Variants in NCKAP5 observed in about 807,000 individuals in gnomAD.
NCKAP5 encodes the protein nck-associated protein 5.
A neutral mutation model predicts 167.0 loss-of-function variants in NCKAP5; 92 were observed. The ratio of observed to expected loss-of-function variants is 0.55; its 90% CI spans 0.47 to 0.66. The LOEUF is 0.66. Ranked by LOEUF, NCKAP5 falls within the 30% of genes least tolerant of loss-of-function variation. The pLI is 0.00. For missense variants in NCKAP5, 2,378 were observed against 2,315.0 expected (o/e 1.03, Z -0.56); for synonymous variants, 891 against 877.4 (o/e 1.02, Z -0.27).
chr2:133,553,801 A>G (rs1176821265), intron 2 of NCKAP5, among the ~76,000 whole-genome samples: 3 of 152,244 alleles, frequency 2.0e-5, no homozygotes, highest in South Asian at 2.1e-4. Flanking sequence ...ACAGAAATAG[A>G]GATGGTAAGA....
At chr2:133,119,694 T>C (rs1316809018) in intron 6 of NCKAP5, among the ~76,000 whole-genome samples, 1 of 152,136 alleles carries the variant, frequency 6.6e-6, no homozygotes, top group Non-Finnish European at 1.5e-5. Context: ...ACCTCCACTT[T>C]CTATTACAGA....
At chr2:133,059,879 G>C (rs1009220907) in intron 6 of NCKAP5, among the ~76,000 whole-genome samples, 55 of 151,882 alleles carry the variant, frequency 3.6e-4, no homozygotes, top group African/African-American at 1.2e-3. Context: ...ATATCTCCAA[G>C]GTATGTCTGC....
At chr2:132,737,486 A>G (rs950318772) in intron 16 of NCKAP5, among the ~76,000 whole-genome samples, 5 of 152,194 alleles carry the variant, frequency 3.3e-5, no homozygotes, top group African/African-American at 1.2e-4. Flanking sequence ...TAAGCAGCCA[A>G]GATGGGTGTG....
chr2:133,460,010 A>T (rs1574991985), intron 3 of NCKAP5, among the ~76,000 whole-genome samples: 1 of 152,310 alleles, frequency 6.6e-6, no homozygotes, highest in South Asian at 2.1e-4. Flanking sequence ...AACTCGCATC[A>T]GTTCATTTTT....
intron 8 of NCKAP5, among the ~76,000 whole-genome samples, chr2:132,936,820 C>T (rs981362666): frequency 1.3e-5 from 2 of 152,064 alleles, no homozygotes; most frequent in Admixed American, 6.6e-5. Flanking sequence ...TATGTATCAA[C>T]TTTATAATTT....
At chr2:133,272,435 ATC>A (rs1405064842) in intron 4 of NCKAP5, among the ~76,000 whole-genome samples, 1 of 152,186 alleles carries the variant, frequency 6.6e-6, no homozygotes, top group Non-Finnish European at 1.5e-5. Flanking sequence ...GAGCAATTTT[ATC>A]TGTTTTCAAA....
chr2:133,601,785 A>AT, the NCKAP5 span, among the ~76,000 whole-genome samples: 1 of 152,062 alleles, frequency 6.6e-6, no homozygotes, highest in Non-Finnish European at 1.5e-5. Flanking sequence ...CTTTTTAAAG[A>AT]TTTTTTTCAG....
At chr2:132,753,881 T>C (rs1476776286) in intron 16 of NCKAP5, among the ~76,000 whole-genome samples, 1 of 152,128 alleles carries the variant, frequency 6.6e-6, no homozygotes, top group African/African-American at 2.4e-5. Flanking sequence ...GGCAGCCATA[T>C]CTCTTTGCCC....
intron 2 of NCKAP5, among the ~76,000 whole-genome samples, chr2:133,557,700 A>G (rs963288643): frequency 6.6e-5 from 10 of 152,394 alleles, no homozygotes; most frequent in Non-Finnish European, 1.5e-4. Flanking sequence ...GGTTATAATT[A>G]GATGCTTTGG....
chr2:132,955,613 A>AACAT (rs1169394209), intron 8 of NCKAP5, among the ~76,000 whole-genome samples: 1 of 152,166 alleles, frequency 6.6e-6, no homozygotes, highest in Non-Finnish European at 1.5e-5. Context: ...TGCTGTAGTA[A>AACAT]ACATACATGT....
chr2:133,166,656 A>G (rs1360130129), intron 5 of NCKAP5, among the ~76,000 whole-genome samples: 1 of 152,190 alleles, frequency 6.6e-6, no homozygotes, highest in Non-Finnish European at 1.5e-5. Flanking sequence ...TTTTATCTTT[A>G]AAATCCTTAA....
chr2:133,592,076 A>AG, the NCKAP5 span, among the ~76,000 whole-genome samples: 19 of 152,106 alleles, frequency 1.2e-4, no homozygotes, highest in Non-Finnish European at 2.4e-4. Context: ...ACACACACAC[A>AG]CACACACAGG....
At chr2:133,177,057 A>G (rs892316929) in intron 5 of NCKAP5, among the ~76,000 whole-genome samples, 20 of 152,022 alleles carry the variant, frequency 1.3e-4, no homozygotes, top group African/African-American at 4.8e-4. Context: ...TGACATCTCA[A>G]AAGTTATCAC....
chr2:133,469,945 C>T (rs2151275408), intron 3 of NCKAP5, among the ~76,000 whole-genome samples: 1 of 150,930 alleles, frequency 6.6e-6, no homozygotes, highest in African/African-American at 2.4e-5. Context: ...ACTTCTTTGC[C>T]TTTGGTTTGA....
At chr2:133,490,052 C>T (rs960776246) in intron 3 of NCKAP5, among the ~76,000 whole-genome samples, 2 of 152,172 alleles carry the variant, frequency 1.3e-5, no homozygotes, top group African/African-American at 2.4e-5. Context: ...ACAGGATCTC[C>T]AAGACAGAAT....
At chr2:133,519,399 G>A (rs556671721) in intron 2 of NCKAP5, among the ~76,000 whole-genome samples, 2 of 152,232 alleles carry the variant, frequency 1.3e-5, no homozygotes, top group African/African-American at 4.8e-5. Context: ...ACTGCTATAG[G>A]CATGACCACT....
chr2:132,726,381 T>A (rs1282225365), intron 18 of NCKAP5, among the ~76,000 whole-genome samples: 1 of 152,136 alleles, frequency 6.6e-6, no homozygotes, highest in East Asian at 1.9e-4. Context: ...CCTGACCCCA[T>A]CCCCTAAGGA....
At chr2:133,405,514 G>A (rs181667491) in intron 3 of NCKAP5, among the ~76,000 whole-genome samples, 165 of 152,302 alleles carry the variant, frequency 1.1e-3, no homozygotes, top group Non-Finnish European at 1.6e-3. Flanking sequence ...AAACCAGAAG[G>A]CGGGGCATTG....
intron 8 of NCKAP5, among the ~76,000 whole-genome samples, chr2:132,955,261 T>C (rs1452221109): frequency 2.6e-5 from 4 of 152,138 alleles, no homozygotes; most frequent in Non-Finnish European, 5.9e-5. Context: ...TCCGTGGCCA[T>C]GTCAGGGGAG....
Sources: gnomAD v4.1 joint callset for allele counts (sites outside exome capture counted in the v4.1 genomes callset) on GRCh38, gnomAD v4.1.1 for gene constraint, MANE v1.5 for transcripts, NCBI Gene and HGNC (gene_info 2026-07-23, HGNC 2026-07-21) for gene names.